The following MGAT4C variants were observed in gnomAD, a reference collection of about 807,000 sequenced individuals.
MGAT4C encodes the protein alpha-1,3-mannosyl-glycoprotein 4-beta-N-acetylglucosaminyltransferase C.
In MGAT4C, 19 loss-of-function variants were observed where a neutral mutation model predicts 40.1. The observed-to-expected ratio is 0.47, with a 90% CI of 0.33 to 0.70. The LOEUF is 0.70. MGAT4C is among the 30% of genes least tolerant of loss of function. The pLI is 0.02. For missense variants in MGAT4C, 491 were observed against 563.2 expected, an observed-to-expected ratio of 0.87 and a Z score of 1.30; for synonymous variants, 181 against 187.1, an observed-to-expected ratio of 0.97 and a Z score of 0.27.
At chr12:86,562,805 A>T (rs948184986) in intron 2 of MGAT4C, among the ~76,000 whole-genome samples, 1 of 152,170 alleles carries the variant, frequency 6.6e-6, no homozygotes, top group African/African-American at 2.4e-5. Flanking sequence ...GTGTGGGATA[A>T]TGGTAGAAAG....
chr12:86,419,000 G>A (rs1434454291), intron 3 of MGAT4C, among the ~76,000 whole-genome samples: 2 of 152,006 alleles, frequency 1.3e-5, no homozygotes, highest in East Asian at 3.9e-4. Flanking sequence ...CCTTTCTCTA[G>A]GTTAAAGAGT....
intron 1 of MGAT4C, among the ~76,000 whole-genome samples, chr12:86,108,457 A>G (rs1036603574): frequency 6.6e-6 from 1 of 152,078 alleles, no homozygotes; most frequent in Non-Finnish European, 1.5e-5. Flanking sequence ...ACTGGCCTCA[A>G]AATAAACAGT....
rs998809699 is a variant in MGAT4C, at chr12:86,030,117, G to A, written c.-7+19557C>T. 2.6e-5 allele frequency among the ~76,000 whole-genome samples: 4 copies of A among 151,630 alleles called. 1 individual carries two copies. The highest frequency in any genetic ancestry group is 4.1e-4 in the South Asian group (2 of 4,822). ...AAAGAGATGGCAATAGGTGTGGGTCGTGCCATTTTACAAGAGAGACACAGG... is the reference window on the plus strand; with the variant it reads ...AAAGAGATGGCAATAGGTGTGGGTCATGCCATTTTACAAGAGAGACACAGG... On this transcript the variant is annotated intron_variant, in intron 2 of 4. Coordinates refer to ENST00000611864, the MANE Select transcript of MGAT4C (RefSeq NM_001351288.2).
chr12:86,686,322 C>G (rs1157017920), intron 2 of MGAT4C, among the ~76,000 whole-genome samples: 7 of 152,078 alleles, frequency 4.6e-5, no homozygotes, highest in Non-Finnish European at 7.4e-5. Flanking sequence ...ATTTGAATAT[C>G]CTTTATTTCT....
intron 4 of MGAT4C, among the ~76,000 whole-genome samples, chr12:86,278,691 TC>T (rs200167455): frequency 0.011 from 1,719 of 152,264 alleles, 26 homozygotes; most frequent in African/African-American, 0.034. Context: ...GCAATTTTTT[TC>T]TTTCTTTTTT....
rs144100477 is a variant in MGAT4C at position 86,007,447 on chromosome 12, A to T, written c.-6-17895T>A. Reference sequence around the variant, plus strand: ...ATATAAAAAATATAAGATCACCATGATCTGGTAGTGTATCATAAGATTTAC... The same window carrying T: ...ATATAAAAAATATAAGATCACCATGTTCTGGTAGTGTATCATAAGATTTAC... On this transcript the variant is annotated intron_variant, in intron 2 of 4. Transcript: ENST00000611864. 1.1e-4 allele frequency among the ~76,000 whole-genome samples: 16 copies of T among 152,230 alleles called. No individual in the cohort carries two copies. In the East Asian group the frequency reaches 3.1e-3, roughly 29 times the overall value.
chr12:85,985,847 T>C (rs1885139952), intron 3 of MGAT4C, among the ~76,000 whole-genome samples: 2 of 152,314 alleles, frequency 1.3e-5, no homozygotes, highest in South Asian at 4.1e-4. Flanking sequence ...AGTAATGTAG[T>C]GATGTACATA....
At chr12:86,567,820 T>G (rs1960198255) in intron 2 of MGAT4C, among the ~76,000 whole-genome samples, 1 of 152,198 alleles carries the variant, frequency 6.6e-6, no homozygotes, top group Non-Finnish European at 1.5e-5. Flanking sequence ...TTTGTGCATG[T>G]ACACACTTGT....
At chr12:86,132,816 A>G (rs2135716071) in intron 1 of MGAT4C, among the ~76,000 whole-genome samples, 1 of 151,940 alleles carries the variant, frequency 6.6e-6, no homozygotes, top group African/African-American at 2.4e-5. Context: ...AAAAAAAAGA[A>G]AAAAGAAAAA....
chr12:86,379,356 C>T (rs1955886995), intron 3 of MGAT4C, among the ~76,000 whole-genome samples: 1 of 151,962 alleles, frequency 6.6e-6, no homozygotes, highest in South Asian at 2.1e-4. Context: ...AATATATTGG[C>T]TAAAAATTGA....
intron 3 of MGAT4C, among the ~76,000 whole-genome samples, chr12:86,347,478 T>C (rs1417893529): frequency 1.3e-5 from 2 of 152,204 alleles, no homozygotes; most frequent in African/African-American, 4.8e-5. Flanking sequence ...TATGCTTAAT[T>C]AGGAGAGCCA....
At chr12:86,201,808 A>G (rs187796513) in intron 1 of MGAT4C, among the ~76,000 whole-genome samples, 537 of 152,088 alleles carry the variant, frequency 3.5e-3, no homozygotes, top group African/African-American at 0.013. Context: ...CTTGCCATAG[A>G]CCTTCTTTAC....
rs917679506 is a variant in MGAT4C at position 86,702,213 on chromosome 12, T to TA, written c.-229+24995_-229+24996insT. On this transcript the variant is annotated intron_variant, in intron 2 of 7. Coordinates refer to the MGAT4C transcript ENST00000548651. ...CCACACCCACACACCCAGCTATTTT[T>TA]TTTTTTTTTTCAGAGATGTAGTATT... Among the ~76,000 whole-genome samples, 286 of 151,318 alleles carry TA rather than the reference T, an allele frequency of 1.9e-3. 1 individual carries two copies. Among genetic ancestry groups the TA allele is most frequent in the East Asian group, 2.1e-3 (11 of 5,138 alleles).
chr12:86,030,407 TAGTG>T (rs1232854650), intron 2 of MGAT4C, among the ~76,000 whole-genome samples: 2 of 151,742 alleles, frequency 1.3e-5, no homozygotes, highest in Non-Finnish European at 3.0e-5. Flanking sequence ...GGCTTAATGT[TAGTG>T]AGTATGACTA....
chr12:86,787,556 TA>T (rs200824701), intron 1 of MGAT4C, among the ~76,000 whole-genome samples: 1,588 of 151,712 alleles, frequency 0.01, 14 homozygotes, highest in Non-Finnish European at 0.018. Flanking sequence ...ACATGCAAAT[TA>T]AAACCACAAT....
chr12:86,342,929 T>A (rs765107844), intron 3 of MGAT4C, among the ~76,000 whole-genome samples: 8 of 152,120 alleles, frequency 5.3e-5, no homozygotes, highest in Admixed American at 6.5e-5. Flanking sequence ...TTACATGTTG[T>A]TTTCCTCATC....
At chr12:86,591,995 TTAAG>T (rs1238658933) in intron 2 of MGAT4C, among the ~76,000 whole-genome samples, 6 of 152,078 alleles carry the variant, frequency 3.9e-5, no homozygotes, top group Non-Finnish European at 1.5e-5. Context: ...TCTTTGTTAT[TTAAG>T]TCTTTCATTA....
rs1222082647 is a variant in MGAT4C at position 85,973,007 on chromosome 12, A to G, written c.*6282T>C. ...TTGGAACATACTATAGACAAAACTG[A>G]CAGATTATTATTCAATGAGAAACCT... On this transcript the variant is annotated 3_prime_UTR_variant, in exon 5 of 5. Transcript: ENST00000611864. 2.0e-5 allele frequency: 3 copies of G among 150,928 alleles called. No homozygotes were observed. Among genetic ancestry groups the G allele is most frequent in the African/African-American group, 7.3e-5 (3 of 41,338 alleles). 9.3% of individuals were successfully genotyped at this position (150,928 alleles called of 1,614,324 possible). A position where few individuals can be genotyped will look rare whatever the true frequency, so the allele number is the denominator to read the frequency against.
At chr12:86,575,386 T>C (rs1291081867) in intron 2 of MGAT4C, among the ~76,000 whole-genome samples, 1 of 151,840 alleles carries the variant, frequency 6.6e-6, no homozygotes, top group Non-Finnish European at 1.5e-5. Flanking sequence ...CAGCCTCTGG[T>C]AACTATCCTT....
Sources: gnomAD v4.1 joint callset for allele counts (sites outside exome capture counted in the v4.1 genomes callset) on GRCh38, gnomAD v4.1.1 for gene constraint, MANE v1.5 for transcripts, NCBI Gene and HGNC (gene_info 2026-07-23, HGNC 2026-07-21) for gene names.